Variants in CREB1 observed in about 807,000 individuals in gnomAD.
The protein encoded by CREB1 is cyclic AMP-responsive element-binding protein 1.
CREB1 carries 2 observed loss-of-function variants against 42.0 expected under a neutral mutation model. That is an observed-to-expected ratio of 0.05 (90% CI 0.02 to 0.15). The LOEUF (loss-of-function observed/expected upper bound fraction) is 0.15. Ranked by LOEUF, CREB1 falls within the 10% of genes least tolerant of loss-of-function variation. CREB1 has a pLI of 1.00. For synonymous variants in CREB1, 123 were observed against 139.9 expected (o/e 0.88, Z 0.85); for missense variants, 199 against 388.9 (o/e 0.51, Z 4.11).
chr2:207,572,221 G>A (rs920384500), intron 5 of CREB1, among the ~76,000 whole-genome samples: 14 of 104,230 alleles, frequency 1.3e-4, no homozygotes, highest in African/African-American at 3.3e-4. Context: ...GCAAGATTCC[G>A]TCTCAAAAAA....
rs1466487361 is a variant in CREB1 at position 207,582,245 on chromosome 2, A to G, written c.839+4590A>G. ...GGTGTATTTTAGAAGAAGTACTTGGAGGCTATGCAGATATATTCTTTTCTC... is the reference window on the plus strand; with the variant it reads ...GGTGTATTTTAGAAGAAGTACTTGGGGGCTATGCAGATATATTCTTTTCTC... On this transcript the variant is annotated intron_variant, in intron 7 of 7. Transcript: ENST00000353267. 4.3e-6 allele frequency: 3 copies of G among 696,420 alleles called. No homozygotes were observed. The African/African-American group carries it at 5.3e-5, about 12-fold the overall frequency. 43.1% of individuals were successfully genotyped at this position (696,420 alleles called of 1,614,324 possible).
Position 207,604,040 on chromosome 2 carries a change from T to C in CREB1, c.*6982T>C, listed in dbSNP as rs374059381. ...TCTGCAACAACGATTACAGAATTTATTGCACAAAATGAGACATTTTGAGAG... is the reference window on the plus strand; with the variant it reads ...TCTGCAACAACGATTACAGAATTTACTGCACAAAATGAGACATTTTGAGAG... On this transcript the variant is annotated 3_prime_UTR_variant, in exon 8 of 8. Transcript: ENST00000353267. 1.2e-3 allele frequency among the ~76,000 whole-genome samples: 178 copies of C among 152,306 alleles called. 3 individuals carry two copies. In the South Asian group the frequency reaches 0.036, roughly 31 times the overall value.
chr2:207,591,200 A>T (rs2084967405), intron 7 of CREB1, among the ~76,000 whole-genome samples: 1 of 152,136 alleles, frequency 6.6e-6, no homozygotes, highest in Non-Finnish European at 1.5e-5. Context: ...TTAGTCTATC[A>T]TCACTGACAG....
chr2:207,546,490 G>T (rs1225216459), intron 1 of CREB1, among the ~76,000 whole-genome samples: 1 of 152,182 alleles, frequency 6.6e-6, no homozygotes, highest in African/African-American at 2.4e-5. Flanking sequence ...ACTTTGAGAG[G>T]CTGAGGTGGG....
intron 3 of CREB1, among the ~76,000 whole-genome samples, chr2:207,564,519 A>G (rs1436393315): frequency 6.6e-6 from 1 of 151,820 alleles, no homozygotes; most frequent in Admixed American, 6.6e-5. Flanking sequence ...TTAAAAAAAA[A>G]AAATCTTAAA....
At chr2:207,580,501 G>C in intron 7 of CREB1, 1 of 217,790 alleles carries the variant, frequency 4.6e-6, no homozygotes, top group Admixed American at 5.8e-5. Flanking sequence ...TCCTCTTCTA[G>C]TGTGGCTATT....
chr2:207,569,203 G>A, intron 4 of CREB1, among the ~76,000 whole-genome samples: 1 of 152,008 alleles, frequency 6.6e-6, no homozygotes, highest in African/African-American at 2.4e-5. Flanking sequence ...TTGGATATAT[G>A]GCTCCAGTAT....
chr2:207,579,557 G>A (rs917778032), intron 7 of CREB1, among the ~76,000 whole-genome samples: 8 of 152,064 alleles, frequency 5.3e-5, no homozygotes, highest in Non-Finnish European at 1.0e-4. Context: ...TAGGAACAGG[G>A]CACACATAAC....
At chr2:207,576,630 G>A in intron 6 of CREB1, 1 of 1,270,246 alleles carries the variant, frequency 7.9e-7, no homozygotes, top group Non-Finnish European at 1.0e-6. Context: ...TTTACATGCA[G>A]GTACTCAAAA....
chr2:207,596,659 C>T (rs1370624104), intron 7 of CREB1, among the ~76,000 whole-genome samples: 1 of 152,182 alleles, frequency 6.6e-6, no homozygotes, highest in African/African-American at 2.4e-5. Context: ...TCTTGGACTC[C>T]TGACCTCAGG....
At chr2:207,570,047 A>C in intron 4 of CREB1, 132 bp from the exon 5 acceptor site, 1 of 621,210 alleles carries the variant, frequency 1.6e-6, no homozygotes, top group East Asian at 3.5e-5. Flanking sequence ...TCTCAAAAAA[A>C]AAAAAAAAAA....
chr2:207,576,104 C>T (rs2082581084), intron 6 of CREB1, among the ~76,000 whole-genome samples: 1 of 151,700 alleles, frequency 6.6e-6, no homozygotes, highest in African/African-American at 2.4e-5. Context: ...TGGGATGCCT[C>T]TGCACTTGAC....
Position 207,560,365 on chromosome 2 carries a change from C to T in CREB1, c.254C>T (p.Thr85Ile). 1 of 1,613,566 alleles carries T rather than the reference C, an allele frequency of 6.2e-7. No individual in the cohort carries two copies. Among genetic ancestry groups the T allele is most frequent in the East Asian group, 2.2e-5 (1 of 44,882 alleles). ...GTTATTCAGTCTCCACAAGTCCAAA[C>T]AGTTCAGGTATGTGTATAAAAAGTT... Reference protein sequence around the residue: ...PSVIQSPQVQTVQISTIAESE... With the variant: ...PSVIQSPQVQIVQISTIAESE... The change falls in exon 3 of 8, where the codon ACA becomes ATA. Residue 85 changes from threonine (T) to isoleucine (I), a missense_variant. Physicochemically the swap from Thr to Ile is moderately conservative, Grantham distance 89. Transcript: ENST00000353267.
At chr2:207,591,472 G>A (rs2085015897) in intron 7 of CREB1, among the ~76,000 whole-genome samples, 1 of 152,102 alleles carries the variant, frequency 6.6e-6, no homozygotes, top group African/African-American at 2.4e-5. Flanking sequence ...TGTTGCCCAG[G>A]CTGGAGTGCA....
chr2:207,549,900 G>A (rs560373258), intron 1 of CREB1, among the ~76,000 whole-genome samples: 1 of 152,104 alleles, frequency 6.6e-6, no homozygotes, highest in South Asian at 2.1e-4. Context: ...AACCCAAGGG[G>A]CGGGGGTTGC....
chr2:207,564,175 G>A (rs1397012929), intron 3 of CREB1, among the ~76,000 whole-genome samples: 1 of 152,024 alleles, frequency 6.6e-6, no homozygotes, highest in African/African-American at 2.4e-5. Flanking sequence ...CAGATCAAAA[G>A]AGTTGGAAGA....
Position 207,605,774 on chromosome 2 carries a change from G to C in CREB1, c.*8716G>C, listed in dbSNP as rs1009969777. Among the ~76,000 whole-genome samples the C allele has an allele frequency of 2.0e-5, 3 of 152,172 alleles. No individual in the cohort carries two copies. The highest frequency in any genetic ancestry group is 7.2e-5 in the African/African-American group (3 of 41,440). On this transcript the variant is annotated 3_prime_UTR_variant, in exon 8 of 8. Coordinates refer to ENST00000353267, the MANE Select transcript of CREB1 (RefSeq NM_004379.5). ...TTTTTACTGTTACAGATATACAGAG[G>C]TTGGTAACTAGGTCTACACAAGTTG... is the stretch of plus-strand genomic sequence containing the variant.
chr2:207,551,119 T>TA (rs2106426779), intron 1 of CREB1, among the ~76,000 whole-genome samples: 1 of 152,358 alleles, frequency 6.6e-6, no homozygotes, highest in Admixed American at 6.5e-5. Flanking sequence ...TTCCAAAACT[T>TA]ATCAATACTG....
At chr2:207,583,563 C>T (rs2083310292) in intron 7 of CREB1, among the ~76,000 whole-genome samples, 1 of 152,174 alleles carries the variant, frequency 6.6e-6, no homozygotes, top group Admixed American at 6.5e-5. Context: ...AGTTACTTCA[C>T]TCTGCTCCTT....
Sources: gnomAD v4.1 joint callset for allele counts (sites outside exome capture counted in the v4.1 genomes callset) on GRCh38, gnomAD v4.1.1 for gene constraint, MANE v1.5 for transcripts, NCBI Gene and HGNC (gene_info 2026-07-23, HGNC 2026-07-21) for gene names.